Variants in ERG observed in about 807,000 individuals in gnomAD.
The protein encoded by ERG is transcriptional regulator ERG.
In ERG, 9 loss-of-function variants were observed where a neutral mutation model predicts 55.3. That is an observed-to-expected ratio of 0.16 (90% confidence interval 0.10 to 0.28). The LOEUF (loss-of-function observed/expected upper bound fraction) is 0.28, where lower values mean the gene tolerates loss of function less well. Among genes scored for constraint, ERG ranks in the 10% least tolerant of loss-of-function variants. ERG has a pLI of 1.00. For missense variants in ERG, 434 were observed against 631.6 expected, an observed-to-expected ratio of 0.69 and a Z score of 3.35; for synonymous variants, 223 against 237.3, an observed-to-expected ratio of 0.94 and a Z score of 0.55.
rs77785463 is a variant in ERG, at chr21:38,465,883, G to A, written c.19-20262C>T. Among the ~76,000 whole-genome samples, 197 of 152,204 alleles carry A rather than the reference G, an allele frequency of 1.3e-3. 2 individuals carry two copies. The highest frequency in any genetic ancestry group is 4.6e-3 in the African/African-American group (190 of 41,530). On this transcript the variant is annotated intron_variant, in intron 1 of 9. Coordinates refer to ENST00000288319, the MANE Select transcript of ERG (RefSeq NM_182918.4). ...CCCATCCCCATCAAAACTAGAGATT[G>A]AAATAAGGAGATGAGATGGCCCTCC...
chr21:38,391,895 C>T (rs1987987215), intron 7 of ERG, among the ~76,000 whole-genome samples, 180 bp from the exon 8 acceptor site: 2 of 149,050 alleles, frequency 1.3e-5, no homozygotes, highest in Admixed American at 6.7e-5. Context: ...AACACTGTAA[C>T]AAAAAAAGAG....
intron 2 of ERG, among the ~76,000 whole-genome samples, chr21:38,559,598 C>A (rs1324200479): frequency 6.6e-6 from 1 of 152,044 alleles, no homozygotes; most frequent in South Asian, 2.1e-4. Flanking sequence ...GGTAATATAA[C>A]AAATAGAGTC....
chr21:38,468,055 A>G (rs1157097084), intron 1 of ERG, among the ~76,000 whole-genome samples: 4 of 152,240 alleles, frequency 2.6e-5, no homozygotes, highest in Non-Finnish European at 5.9e-5. Flanking sequence ...CTGGGTGCAG[A>G]AAAGGAGAAA....
At chr21:38,528,258 G>A (rs2059644624) in intron 2 of ERG, among the ~76,000 whole-genome samples, 1 of 152,044 alleles carries the variant, frequency 6.6e-6, no homozygotes, top group South Asian at 2.1e-4. Flanking sequence ...TCCAAATAAG[G>A]TCACATTTTG....
chr21:38,549,268 A>C (rs903091487), intron 2 of ERG, among the ~76,000 whole-genome samples: 2 of 152,190 alleles, frequency 1.3e-5, no homozygotes, highest in African/African-American at 4.8e-5. Flanking sequence ...AAATCATCAT[A>C]CTAAAGGCAT....
At chr21:38,655,404 T>C (rs1350742960) in intron 1 of ERG, among the ~76,000 whole-genome samples, 1 of 152,186 alleles carries the variant, frequency 6.6e-6, no homozygotes, top group Non-Finnish European at 1.5e-5. Context: ...AGCTTCCCAA[T>C]TCTCCCAAGA....
chr21:38,520,263 G>A (rs1730884871), intron 2 of ERG, among the ~76,000 whole-genome samples: 1 of 152,176 alleles, frequency 6.6e-6, no homozygotes, highest in Non-Finnish European at 1.5e-5. Context: ...CCAGGAGCTG[G>A]AGGGGATGGC....
intron 1 of ERG, among the ~76,000 whole-genome samples, chr21:38,636,090 A>T (rs1009513959): frequency 4.0e-5 from 6 of 149,624 alleles, no homozygotes; most frequent in Non-Finnish European, 8.9e-5. Context: ...GTGAGTTCTC[A>T]TGAGATCTAA....
chr21:38,480,918 G>A (rs1411817248), intron 1 of ERG, among the ~76,000 whole-genome samples: 6 of 151,982 alleles, frequency 3.9e-5, no homozygotes, highest in Admixed American at 2.6e-4. Context: ...GAAAAATAAC[G>A]AATGGAAAAC....
intron 3 of ERG, among the ~76,000 whole-genome samples, chr21:38,416,155 A>G (rs1199744868): frequency 6.6e-6 from 1 of 152,226 alleles, no homozygotes; most frequent in Non-Finnish European, 1.5e-5. Flanking sequence ...TTTACATGAA[A>G]TCAGACTGCC....
rs267606125 is a variant in ERG, at chr21:38,400,553, C to G, written c.745+21G>C. On this transcript the variant is annotated intron_variant, in intron 6 of 9. Coordinates refer to ENST00000288319, the MANE Select transcript of ERG (RefSeq NM_182918.4). ...CTGGGATGTCTCTCAATGAAGAGATCACACAGGGGTGTTTTCGTACCTGGC... is the reference window on the plus strand; with the variant it reads ...CTGGGATGTCTCTCAATGAAGAGATGACACAGGGGTGTTTTCGTACCTGGC... 1.9e-6 allele frequency: 3 copies of G among 1,585,410 alleles called. No homozygotes were observed. The African/African-American group carries it at 4.0e-5, about 21-fold the overall frequency.
At chr21:38,606,408 A>C (rs776712568) in intron 1 of ERG, among the ~76,000 whole-genome samples, 3 of 152,206 alleles carry the variant, frequency 2.0e-5, no homozygotes, top group Non-Finnish European at 2.9e-5. Context: ...TTATAGAGAC[A>C]CTTTCATAGC....
intron 2 of ERG, among the ~76,000 whole-genome samples, chr21:38,425,030 A>C (rs1989753976): frequency 6.6e-6 from 1 of 152,226 alleles, no homozygotes; most frequent in South Asian, 2.1e-4. Flanking sequence ...TTAAACAGTG[A>C]GTTGTGAAAG....
At chr21:38,482,342 T>C (rs2146652484) in intron 1 of ERG, among the ~76,000 whole-genome samples, 1 of 152,324 alleles carries the variant, frequency 6.6e-6, no homozygotes, top group Admixed American at 6.5e-5. Flanking sequence ...TTCAGATGGC[T>C]ATGGTCAAAA....
At chr21:38,433,327 C>G (rs946049311) in intron 2 of ERG, among the ~76,000 whole-genome samples, 23 of 152,086 alleles carry the variant, frequency 1.5e-4, no homozygotes, top group African/African-American at 5.6e-4. Flanking sequence ...GGAGCTGGAC[C>G]ACTGGGGAAG....
chr21:38,488,725 T>A (rs1401270517), intron 1 of ERG, among the ~76,000 whole-genome samples: 1 of 152,212 alleles, frequency 6.6e-6, no homozygotes, highest in Non-Finnish European at 1.5e-5. Context: ...TTCCATTGAA[T>A]CTCAAAGAGA....
chr21:38,431,288 C>G (rs927767469), intron 2 of ERG, among the ~76,000 whole-genome samples: 1 of 152,138 alleles, frequency 6.6e-6, no homozygotes, highest in Non-Finnish European at 1.5e-5. Context: ...TTTCAAGCCC[C>G]CAGACATGAC....
At chr21:38,478,235 A>T (rs968912923) in intron 1 of ERG, among the ~76,000 whole-genome samples, 1 of 152,262 alleles carries the variant, frequency 6.6e-6, no homozygotes, top group African/African-American at 2.4e-5. Flanking sequence ...TCCTGGCAAC[A>T]GGTCTTGTTT....
chr21:38,564,484 T>G (rs1279152649), intron 2 of ERG, among the ~76,000 whole-genome samples: 2 of 152,090 alleles, frequency 1.3e-5, no homozygotes, highest in Non-Finnish European at 2.9e-5. Flanking sequence ...GAACTATCAT[T>G]AAAATATAAT....
Sources: gnomAD v4.1 joint callset for allele counts (sites outside exome capture counted in the v4.1 genomes callset) on GRCh38, gnomAD v4.1.1 for gene constraint, MANE v1.5 for transcripts, NCBI Gene and HGNC (gene_info 2026-07-23, HGNC 2026-07-21) for gene names.